Variants in ADAM22 observed in about 807,000 individuals in gnomAD.
ADAM22 encodes the protein ADAM metallopeptidase domain 22.
In ADAM22, 65 loss-of-function variants were observed where a neutral mutation model predicts 144.6. The ratio of observed to expected loss-of-function variants is 0.45; its 90% confidence interval spans 0.37 to 0.55. The LOEUF (loss-of-function observed/expected upper bound fraction) is 0.55, where lower values mean the gene tolerates loss of function less well. ADAM22 is among the 20% of genes least tolerant of loss of function. The pLI is 0.00. For synonymous variants in ADAM22, 391 were observed against 412.6 expected (o/e 0.95, Z 0.63); for missense variants, 974 against 1,184.9 (o/e 0.82, Z 2.61).
intron 3 of ADAM22, among the ~76,000 whole-genome samples, chr7:88,055,477 C>T (rs2129475592): frequency 6.6e-6 from 1 of 152,128 alleles, no homozygotes; most frequent in African/African-American, 2.4e-5. Flanking sequence ...TCCCCGTTTC[C>T]TTTTTTACAG....
chr7:88,058,531 T>A (rs17339594), intron 3 of ADAM22, among the ~76,000 whole-genome samples: 2,102 of 152,316 alleles, frequency 0.014, 20 homozygotes, highest in South Asian at 0.022. Context: ...TATACTTACC[T>A]TCATAGGACA....
At chr7:88,087,318 G>A (rs1818693227) in intron 4 of ADAM22, among the ~76,000 whole-genome samples, 1 of 152,128 alleles carries the variant, frequency 6.6e-6, no homozygotes. Context: ...CTGAAATGGT[G>A]ATCTACATCA....
At chr7:88,024,545 TTTTC>T (rs1283956922) in intron 3 of ADAM22, among the ~76,000 whole-genome samples, 5 of 151,594 alleles carry the variant, frequency 3.3e-5, no homozygotes, top group East Asian at 1.9e-4. Flanking sequence ...ATTATTGGAT[TTTTC>T]TTTCTTTTTT....
intron 5 of ADAM22, among the ~76,000 whole-genome samples, chr7:88,110,013 TA>T (rs1272320573): frequency 6.6e-6 from 1 of 152,302 alleles, no homozygotes; most frequent in East Asian, 1.9e-4. Flanking sequence ...AAGTGTAAGT[TA>T]AATAACCAGA....
chr7:88,053,663 A>G (rs552320193), intron 3 of ADAM22, among the ~76,000 whole-genome samples: 1 of 152,262 alleles, frequency 6.6e-6, no homozygotes, highest in East Asian at 1.9e-4. Flanking sequence ...CAAGTAAAAA[A>G]GATATCTTCA....
intron 3 of ADAM22, among the ~76,000 whole-genome samples, chr7:87,985,916 G>A (rs1788364223): frequency 6.6e-6 from 1 of 151,948 alleles, no homozygotes; most frequent in Admixed American, 6.6e-5. Flanking sequence ...TTTTTTAAAT[G>A]GTGCTATAAC....
At chr7:88,161,926 A>G (rs1159521294) in intron 22 of ADAM22, among the ~76,000 whole-genome samples, 12 of 151,996 alleles carry the variant, frequency 7.9e-5, no homozygotes, top group Non-Finnish European at 2.9e-5. Context: ...AAAAACAAAT[A>G]CTATTCGACC....
chr7:87,947,428 G>C (rs191234198), intron 2 of ADAM22, among the ~76,000 whole-genome samples: 3 of 152,188 alleles, frequency 2.0e-5, no homozygotes, highest in African/African-American at 7.2e-5. Context: ...CAAAGGTGAA[G>C]CCATTCTGGC....
intron 4 of ADAM22, among the ~76,000 whole-genome samples, chr7:88,087,845 C>T (rs1212588115): frequency 1.3e-5 from 2 of 152,120 alleles, no homozygotes; most frequent in Non-Finnish European, 2.9e-5. Flanking sequence ...TGTACAGAGA[C>T]ATCCGTTACA....
intron 3 of ADAM22, among the ~76,000 whole-genome samples, chr7:88,032,854 G>A (rs948747041): frequency 3.3e-5 from 5 of 152,058 alleles, no homozygotes; most frequent in Non-Finnish European, 5.9e-5. Flanking sequence ...TTTGCTCCCT[G>A]TCTCTCTCTT....
At chr7:88,059,830 A>T (rs982850670) in intron 3 of ADAM22, among the ~76,000 whole-genome samples, 5 of 152,206 alleles carry the variant, frequency 3.3e-5, no homozygotes, top group African/African-American at 1.2e-4. Flanking sequence ...CATGGTGGAC[A>T]TAATGATAGA....
chr7:88,029,477 G>A (rs978295708), intron 3 of ADAM22, among the ~76,000 whole-genome samples: 2 of 151,888 alleles, frequency 1.3e-5, no homozygotes, highest in African/African-American at 4.8e-5. Context: ...TCATCTTTTT[G>A]TCTTTCTGTG....
intron 4 of ADAM22, among the ~76,000 whole-genome samples, chr7:88,103,822 T>C (rs889996644): frequency 6.6e-6 from 1 of 152,174 alleles, no homozygotes; most frequent in African/African-American, 2.4e-5. Flanking sequence ...ACCTTTATAA[T>C]TGATAAGATT....
At chr7:87,998,751 C>T (rs191658510) in intron 3 of ADAM22, among the ~76,000 whole-genome samples, 4 of 152,130 alleles carry the variant, frequency 2.6e-5, no homozygotes, top group East Asian at 1.9e-4. Context: ...AAAGTCTCTT[C>T]GTGCAGCACC....
chr7:88,148,707 C>T (rs1172201822), intron 17 of ADAM22, among the ~76,000 whole-genome samples: 1 of 151,966 alleles, frequency 6.6e-6, no homozygotes, highest in Non-Finnish European at 1.5e-5. Flanking sequence ...ATTACTAGAA[C>T]CTGGACTAAC....
At chr7:87,972,594 A>C (rs1850733099) in intron 2 of ADAM22, among the ~76,000 whole-genome samples, 2 of 152,234 alleles carry the variant, frequency 1.3e-5, no homozygotes. Context: ...TTTAAAGTTC[A>C]TATGGAACCA....
At chr7:87,988,737 G>C (rs1231155067) in intron 3 of ADAM22, among the ~76,000 whole-genome samples, 1 of 152,076 alleles carries the variant, frequency 6.6e-6, no homozygotes, top group Non-Finnish European at 1.5e-5. Flanking sequence ...TACTTTCTCT[G>C]GTTCTCAGGG....
chr7:88,163,239 C>A, intron 23 of ADAM22, 59 bp downstream of exon 23: 2 of 1,351,176 alleles, frequency 1.5e-6, no homozygotes, highest in Non-Finnish European at 2.0e-6. Flanking sequence ...ATAGACAGGA[C>A]CCTAAACTAT....
intron 3 of ADAM22, among the ~76,000 whole-genome samples, chr7:88,041,414 T>C (rs1371219390): frequency 6.6e-6 from 1 of 151,866 alleles, no homozygotes; most frequent in Non-Finnish European, 1.5e-5. Context: ...AGTATGTGCA[T>C]GTTTGTGGAA....
Sources: gnomAD v4.1 joint callset for allele counts (sites outside exome capture counted in the v4.1 genomes callset) on GRCh38, gnomAD v4.1.1 for gene constraint, MANE v1.5 for transcripts, NCBI Gene and HGNC (gene_info 2026-07-23, HGNC 2026-07-21) for gene names.